Variants in RXRB observed in about 807,000 individuals in gnomAD.
RXRB encodes the protein retinoic acid receptor RXR-beta.
Under a neutral mutation model 52.5 loss-of-function variants are expected in RXRB, and 18 were observed. That is an observed-to-expected ratio of 0.34 (90% CI 0.24 to 0.51). RXRB has a LOEUF of 0.51. Among genes scored for constraint, RXRB ranks in the 20% least tolerant of loss-of-function variants. The probability of loss-of-function intolerance (pLI) is 0.97; values close to 1 mark genes in which losing one functional copy is unlikely to be tolerated. For missense variants in RXRB, 455 were observed against 698.2 expected (o/e 0.65, Z 3.92); for synonymous variants, 233 against 267.1 (o/e 0.87, Z 1.25).
In RXRB at chr6:33,200,336, C is replaced by CGCT. The variant is rs1449364226; in HGVS notation, c.138_140dup (p.Ala52dup). ...CGCCTGCCACCGCCGCCGCCGCCGC[C>CGCT]GCTGCGGGATCCAGCCAGGGCCGTC... On this transcript the variant is annotated inframe_insertion, in exon 1 of 10. Coordinates refer to ENST00000374680, the MANE Select transcript of RXRB (RefSeq NM_021976.5). This position sits in a 1 kb window ranked among gnomAD's most constrained non-coding sequence, Gnocchi z 6.3. The CGCT allele has an allele frequency of 4.4e-6, 7 of 1,583,858 alleles. No individual in the cohort carries two copies. Among genetic ancestry groups the CGCT allele is most frequent in the Non-Finnish European group, 6.0e-6 (7 of 1,168,348 alleles).
upstream of RXRB, chr6:33,200,673 G>A (rs1444008884): frequency 9.7e-6 from 15 of 1,540,946 alleles, no homozygotes; most frequent in South Asian, 1.6e-4. This position sits in a 1 kb window ranked among gnomAD's most constrained non-coding sequence, Gnocchi z 6.3. Flanking sequence ...GGGAAGTCTC[G>A]GCGCGAGTTC....
chr6:33,198,771 G>A lies in RXRB; in HGVS notation c.484-307C>T, dbSNP rs113873079. ...GACATCAAGAATATCAGAATTAGCC[G>A]GGCGTGGTGGTAGGCACCTGTAATC... On this transcript the variant is annotated intron_variant, in intron 2 of 9. Coordinates refer to ENST00000374680, the MANE Select transcript of RXRB (RefSeq NM_021976.5). 3,537 of 501,336 alleles carry A rather than the reference G, an allele frequency of 7.1e-3. 22 individuals are homozygous for A. The highest frequency in any genetic ancestry group is 8.8e-3 in the Admixed American group (280 of 31,956). 31.1% of individuals were successfully genotyped at this position (501,336 alleles called of 1,614,324 possible). A position where few individuals can be genotyped will look rare whatever the true frequency, so the allele number is the denominator to read the frequency against.
At position 33,197,826 on chromosome 6, in the gene RXRB, G is replaced by A; in HGVS notation, c.756C>T (p.Arg252=). 6.2e-7 allele frequency: 1 copy of A among 1,613,952 alleles called. No homozygotes were observed. The highest frequency in any genetic ancestry group is 8.5e-7 in the Non-Finnish European group (1 of 1,180,034). The change falls in exon 4 of 10, where the codon CGC becomes CGT. Residue 252 remains arginine, a synonymous_variant. Transcript: ENST00000374680. This position sits in a 1 kb window ranked among gnomAD's most constrained non-coding sequence, Gnocchi z 4.4. ...GGCAGTACTGACAGCGGTTCCGCTG[G>A]CGCTTGTCCACTGTGCAGTCTTTGT... is the stretch of plus-strand genomic sequence containing the variant. The part of the protein sequence containing the change: ...RDNKDCTVDK[R]QRNRCQYCRY...
Position 33,194,555 on chromosome 6 carries a change from G to A in RXRB, c.*127C>T. The A allele has an allele frequency of 1.0e-6, 1 of 1,001,086 alleles. No individual in the cohort carries two copies. 62.0% of individuals were successfully genotyped at this position (1,001,086 alleles called of 1,614,324 possible). A position where few individuals can be genotyped will look rare whatever the true frequency, so the allele number is the denominator to read the frequency against. ...ATCCCTTGGAGGGTTTATGTTCTTG[G>A]TTCTGCCCTGTACTTCTCACCCCAT... On this transcript the variant is annotated 3_prime_UTR_variant, in exon 10 of 10. Coordinates refer to ENST00000374680, the MANE Select transcript of RXRB (RefSeq NM_021976.5). The surrounding 1 kb of genome is among the most constrained non-coding windows in gnomAD (Gnocchi z 4.1).
upstream of RXRB, chr6:33,200,744 C>T: frequency 2.6e-6 from 4 of 1,543,764 alleles, no homozygotes; most frequent in Non-Finnish European, 3.5e-6. The surrounding 1 kb of genome is among the most constrained non-coding windows in gnomAD (Gnocchi z 6.3). Context: ...TAGCCCGCCT[C>T]GCCCACCCTC....
In RXRB at chr6:33,198,386, C is replaced by T. The variant is rs1309700636; in HGVS notation, c.562G>A (p.Gly188Ser). The change falls in exon 3 of 10, where the codon GGC (glycine) becomes AGC (serine). Residue 188 changes from glycine (G) to serine (S), a missense_variant. Gly to Ser is a moderately conservative substitution (Grantham distance 56). Around this residue, in one of 4 missense-constraint regions of RXRB, gnomAD observed 225 missense variants for 258.6 expected, o/e 0.87. Coordinates refer to ENST00000374680, the MANE Select transcript of RXRB (RefSeq NM_021976.5). ...CCTGGAGGGGGTGGACAGTGCAGGC[C>T]CCGGACCCCTAAGACTGGTGGCTTC... is the stretch of plus-strand genomic sequence containing the variant. Reference protein sequence around the residue: ...DVKPPVLGVRGLHCPPPPGGP... With the variant: ...DVKPPVLGVRSLHCPPPPGGP... 3 of 1,612,614 alleles carry T rather than the reference C, an allele frequency of 1.9e-6. No individual in the cohort carries two copies.
At position 33,195,820 on chromosome 6, in the gene RXRB, C is replaced by A; in HGVS notation, c.1123+87G>T. On this transcript the variant is annotated intron_variant, in intron 6 of 9. Transcript: ENST00000374680. The surrounding 1 kb of genome is among the most constrained non-coding windows in gnomAD (Gnocchi z 8.6). Reference sequence around the variant, plus strand: ...CAGCAAGTTTGGCTCCCTGGGTACGCAAGGTAAGGCCACTGGGGTCACTAA... The same window carrying A: ...CAGCAAGTTTGGCTCCCTGGGTACGAAAGGTAAGGCCACTGGGGTCACTAA... 1 of 1,601,498 alleles carries A rather than the reference C, an allele frequency of 6.2e-7. No individual in the cohort carries two copies. Among genetic ancestry groups the A allele is most frequent in the Non-Finnish European group, 8.5e-7 (1 of 1,173,272 alleles).
Position 33,194,986 on chromosome 6 carries a change from C to T in RXRB, c.1413G>A (p.Leu471=). 6.2e-7 allele frequency: 1 copy of T among 1,612,936 alleles called. No individual in the cohort carries two copies. The highest frequency in any genetic ancestry group is 8.5e-7 in the Non-Finnish European group (1 of 1,180,012). The change falls in exon 9 of 10, where the codon CTG becomes CTA. Residue 471 remains leucine (L), a synonymous_variant. Transcript: ENST00000374680. This position sits in a 1 kb window ranked among gnomAD's most constrained non-coding sequence, Gnocchi z 4.1. ...EVLREKVYAS[L]ETYCKQKYPE... ...GGTACTTCTGTTTGCAGTAGGTCTC[C>T]AGTGATGCATACACTTTCTCCCGCA...
rs776775592 is a variant in RXRB, at chr6:33,194,910, C to T, written c.1454+35G>A. 1.2e-6 allele frequency: 2 copies of T among 1,610,666 alleles called. No individual in the cohort carries two copies. Among genetic ancestry groups the T allele is most frequent in the South Asian group, 2.2e-5 (2 of 91,032 alleles). On this transcript the variant is annotated intron_variant, in intron 9 of 9. Coordinates refer to ENST00000374680, the MANE Select transcript of RXRB (RefSeq NM_021976.5). The surrounding 1 kb of genome is among the most constrained non-coding windows in gnomAD (Gnocchi z 4.1). ...ACATCCTCATAGCACTCCCCACCCC[C>T]AAGGGAGCCTCAGTGCCCCCCAGCC...
rs1774023022 is a variant in RXRB at position 33,197,705 on chromosome 6, G to A, written c.820+57C>T. 12 of 1,535,936 alleles carry A rather than the reference G, an allele frequency of 7.8e-6. No homozygotes were observed. Among genetic ancestry groups the A allele is most frequent in the Non-Finnish European group, 1.1e-5 (12 of 1,116,120 alleles). ...CCTTCCAGAGAGGTACACAGTCTGA[G>A]TGGGATAAGGGAGAAGGGCATGTGG... On this transcript the variant is annotated intron_variant, in intron 4 of 9. Transcript: ENST00000374680. This position sits in a 1 kb window ranked among gnomAD's most constrained non-coding sequence, Gnocchi z 4.4.
chr6:33,200,507 A>G lies in RXRB; in HGVS notation c.-31T>C. ...CTGGCTGAGAGTAGGGATACCGAAG[A>G]GGTCCCAGGGATTCCCAAGGATTGA... On this transcript the variant is annotated 5_prime_UTR_variant, in exon 1 of 10. Transcript: ENST00000374680. This position sits in a 1 kb window ranked among gnomAD's most constrained non-coding sequence, Gnocchi z 6.3. 6.4e-7 allele frequency: 1 copy of G among 1,565,414 alleles called. No individual in the cohort carries two copies. Among genetic ancestry groups the G allele is most frequent in the Non-Finnish European group, 8.6e-7 (1 of 1,157,608 alleles).
chr6:33,196,409 A>G lies in RXRB; in HGVS notation c.993+25T>C, dbSNP rs1773900476. ...CCTCCCCCAACCCCCATCACGAAGG[A>G]GAGTGGATTGACCCCAACACTCACG... On this transcript the variant is annotated intron_variant, in intron 5 of 9. Coordinates refer to ENST00000374680, the MANE Select transcript of RXRB (RefSeq NM_021976.5). The surrounding 1 kb of genome is among the most constrained non-coding windows in gnomAD (Gnocchi z 4.0). 6.2e-7 allele frequency: 1 copy of G among 1,609,860 alleles called. No homozygotes were observed. Among genetic ancestry groups the G allele is most frequent in the Admixed American group, 1.7e-5 (1 of 59,990 alleles).
rs1173871350 is a variant in RXRB, at chr6:33,194,431, T to C, written c.*251A>G. 2.0e-6 allele frequency: 1 copy of C among 503,102 alleles called. No homozygotes were observed. The highest frequency in any genetic ancestry group is 3.5e-6 in the Non-Finnish European group (1 of 284,724). The allele number at this position is 503,102 out of a possible 1,614,324, so 31.2% of individuals were successfully genotyped here. ...GAGGGTGAGAAATCACCCCAAATCA[T>C]GGGAGAACCCGACAAATTCAGAGAC... On this transcript the variant is annotated 3_prime_UTR_variant, in exon 10 of 10. Transcript: ENST00000374680. This position sits in a 1 kb window ranked among gnomAD's most constrained non-coding sequence, Gnocchi z 4.1.
In RXRB at chr6:33,197,156, G is replaced by C. The variant is rs1311279552; in HGVS notation, c.821-550C>G. Among the ~76,000 whole-genome samples the C allele has an allele frequency of 6.6e-6, 1 of 152,194 alleles. No individual in the cohort carries two copies. The highest frequency in any genetic ancestry group is 1.5e-5 in the Non-Finnish European group (1 of 68,032). ...AGGCAGTGAAAGGAGCACTGGCCTA[G>C]GTCTTTGAAGATGTGGGTTCTGATC... is the stretch of plus-strand genomic sequence containing the variant. On this transcript the variant is annotated intron_variant, in intron 4 of 9. Coordinates refer to ENST00000374680, the MANE Select transcript of RXRB (RefSeq NM_021976.5). This position sits in a 1 kb window ranked among gnomAD's most constrained non-coding sequence, Gnocchi z 4.4.
Position 33,200,196 on chromosome 6 carries a change from G to T in RXRB, c.235+46C>A. 1 of 1,596,054 alleles carries T rather than the reference G, an allele frequency of 6.3e-7. No individual in the cohort carries two copies. The highest frequency in any genetic ancestry group is 8.5e-7 in the Non-Finnish European group (1 of 1,171,566). ...GGGAGGGTGTGGGGGAGGGGTCGCAGATAAAGCGGTCACTGGCTCGCCTGC... is the reference window on the plus strand; with the variant it reads ...GGGAGGGTGTGGGGGAGGGGTCGCATATAAAGCGGTCACTGGCTCGCCTGC... On this transcript the variant is annotated intron_variant, in intron 1 of 9. Coordinates refer to ENST00000374680, the MANE Select transcript of RXRB (RefSeq NM_021976.5). The surrounding 1 kb of genome is among the most constrained non-coding windows in gnomAD (Gnocchi z 6.3).
chr6:33,199,693 AAAAAAACCCAAAAAC>A, intron 1 of RXRB: 1 of 443,130 alleles, frequency 2.3e-6, no homozygotes, highest in Non-Finnish European at 4.2e-6. Context: ...TTGACTGGCT[AAAAAAACCCAAAAAC>A]AGCGTAACTC....
chr6:33,194,393 TG>T lies in RXRB; in HGVS notation c.*288del. 1 of 417,700 alleles carries T rather than the reference TG, an allele frequency of 2.4e-6. No individual in the cohort carries two copies. Among genetic ancestry groups the T allele is most frequent in the South Asian group, 4.6e-5 (1 of 21,788 alleles). 25.9% of individuals were successfully genotyped at this position (417,700 alleles called of 1,614,324 possible). A position where few individuals can be genotyped will look rare whatever the true frequency, so the allele number is the denominator to read the frequency against. On this transcript the variant is annotated 3_prime_UTR_variant, in exon 10 of 10. Transcript: ENST00000374680. The surrounding 1 kb of genome is among the most constrained non-coding windows in gnomAD (Gnocchi z 4.1). The stretch of plus-strand genomic sequence containing the variant: ...TGGAGGCAAGGCCAGTGCTTTGTGC[TG>T]GGGGAAGGACAGAGGGTGAGAAATC...
Position 33,200,651 on chromosome 6 carries a change from C to T in RXRB, c.-175G>A. 6.5e-7 allele frequency: 1 copy of T among 1,530,612 alleles called. No homozygotes were observed. The highest frequency in any genetic ancestry group is 8.8e-7 in the Non-Finnish European group (1 of 1,138,572). 94.8% of individuals were successfully genotyped at this position (1,530,612 alleles called of 1,614,324 possible). ...ATGACAGCGCCAATGTGGCAGCCAT[C>T]TTTGTACAGACGGGAAGTCTCGGCG... On this transcript the variant is annotated 5_prime_UTR_variant, in exon 1 of 10. Transcript: ENST00000374680. This position sits in a 1 kb window ranked among gnomAD's most constrained non-coding sequence, Gnocchi z 6.3.
Position 33,195,810 on chromosome 6 carries a change from C to T in RXRB, c.1123+97G>A. 6.3e-7 allele frequency: 1 copy of T among 1,599,534 alleles called. No homozygotes were observed. Among genetic ancestry groups the T allele is most frequent in the South Asian group, 1.1e-5 (1 of 90,414 alleles). On this transcript the variant is annotated intron_variant, in intron 6 of 9. Coordinates refer to ENST00000374680, the MANE Select transcript of RXRB (RefSeq NM_021976.5). This position sits in a 1 kb window ranked among gnomAD's most constrained non-coding sequence, Gnocchi z 8.6. Reference sequence around the variant, plus strand: ...GTGGCGAGGTCAGCAAGTTTGGCTCCCTGGGTACGCAAGGTAAGGCCACTG... The same window carrying T: ...GTGGCGAGGTCAGCAAGTTTGGCTCTCTGGGTACGCAAGGTAAGGCCACTG...
Sources: gnomAD v4.1 joint callset for allele counts (sites outside exome capture counted in the v4.1 genomes callset) on GRCh38, gnomAD v4.1.1 for gene constraint, gnomAD v4.1.1 regional missense constraint, Gnocchi (gnomAD v3.1) non-coding constraint, MANE v1.5 for transcripts, NCBI Gene and HGNC (gene_info 2026-07-23, HGNC 2026-07-21) for gene names.